Variants in MUC7 observed in about 807,000 individuals in gnomAD.
The protein encoded by MUC7 is mucin 7, secreted, also known as mucin-7.
In MUC7, 2 loss-of-function variants were observed where a neutral mutation model predicts 2.5. The observed-to-expected ratio is 0.81, with a 90% CI of 0.33 to 2.55. The LOEUF is 2.55. Among genes scored for constraint, MUC7 ranks in the 30% most tolerant of loss-of-function variants. The pLI, the probability that MUC7 is intolerant of heterozygous loss-of-function variation, is 0.11. For synonymous variants in MUC7, 133 were observed against 173.4 expected (o/e 0.77, Z 1.83); for missense variants, 408 against 455.6 (o/e 0.90, Z 0.95).
At chr4:70,454,475 T>G (rs1577905117) in intron 1 of MUC7, among the ~76,000 whole-genome samples, 1 of 152,046 alleles carries the variant, frequency 6.6e-6, no homozygotes, top group Non-Finnish European at 1.5e-5. Flanking sequence ...GCATGCTCCC[T>G]CCTCCCTCCT....
At chr4:70,437,983 G>A (rs1039966677) in intron 1 of MUC7, among the ~76,000 whole-genome samples, 1 of 152,130 alleles carries the variant, frequency 6.6e-6, no homozygotes, top group Non-Finnish European at 1.5e-5. Context: ...AGCTAGCTTT[G>A]GATACTATAA....
chr4:70,476,462 C>A (rs918528814), intron 2 of MUC7, among the ~76,000 whole-genome samples: 19 of 152,140 alleles, frequency 1.2e-4, no homozygotes, highest in Non-Finnish European at 2.4e-4. Context: ...CTTCAAGCTG[C>A]CCAAATCTCA....
In MUC7 at chr4:70,481,456, C is replaced by G. The variant is rs757894891; in HGVS notation, c.712C>G (p.Pro238Ala). Residue 238 changes from proline (P) to alanine (A), a missense_variant, in exon 3 of 3, where the codon CCA (proline) becomes GCA (alanine). Pro to Ala is a conservative substitution (Grantham distance 27, BLOSUM62 -1). Transcript: ENST00000304887. ...AGCTCCACCAGAGACCACAGCTGCC[C>G]CACCCACACCTTCTGCAACTACACC... ...SSAPPETTAA[P>A]PTPSATTPAP... is the part of the protein sequence containing the mutation. The G allele has an allele frequency of 6.6e-7, 1 of 1,504,496 alleles. No homozygotes were observed. Among genetic ancestry groups the G allele is most frequent in the South Asian group, 1.2e-5 (1 of 81,380 alleles). The allele number at this position is 1,504,496 out of a possible 1,614,324, so 93.2% of individuals were successfully genotyped here.
At chr4:70,451,974 T>G (rs1475231396) in intron 1 of MUC7, among the ~76,000 whole-genome samples, 1 of 152,236 alleles carries the variant, frequency 6.6e-6, no homozygotes, top group Non-Finnish European at 1.5e-5. Flanking sequence ...TTACAATTGC[T>G]ATATCCTCTT....
intron 1 of MUC7, among the ~76,000 whole-genome samples, chr4:70,445,194 C>A (rs1414982492): frequency 6.6e-6 from 1 of 152,328 alleles, no homozygotes; most frequent in African/African-American, 2.4e-5. Flanking sequence ...ATGACACCAG[C>A]TACCATTGTA....
At position 70,481,249 on chromosome 4, in the gene MUC7, C is replaced by A. The variant is rs41413151; in HGVS notation, c.505C>A (p.Pro169Thr). The change falls in exon 3 of 3, where the codon CCA (proline) becomes ACA (threonine). Residue 169 changes from proline to threonine, a missense_variant. Transcript: ENST00000304887. ...AGCTCCACAAGACACCACAGCTGCC[C>A]CACCCACACCTTCTGCAACTACACC... is the stretch of plus-strand genomic sequence containing the variant. ...SPAPQDTTAA[P>T]PTPSATTPAP... is the part of the protein sequence containing the mutation. 1.4e-3 allele frequency: 2,227 copies of A among 1,610,950 alleles called. 4 individuals are homozygous for A. The African/African-American group carries it at 0.028, about 20-fold the overall frequency.
chr4:70,454,899 T>C (rs201900051), intron 1 of MUC7, among the ~76,000 whole-genome samples: 2 of 152,356 alleles, frequency 1.3e-5, no homozygotes, highest in East Asian at 3.9e-4. Flanking sequence ...TATTCTTTTC[T>C]TATGAGGCCC....
At chr4:70,452,290 T>C (rs1306011505) in intron 1 of MUC7, among the ~76,000 whole-genome samples, 2 of 152,122 alleles carry the variant, frequency 1.3e-5, no homozygotes, top group African/African-American at 2.4e-5. Context: ...ACTCCCGCCA[T>C]TTTGTTGTTT....
rs1461079297 is a variant in MUC7, at chr4:70,466,066, A to C, written c.-92-6149A>C. ...TAAGACTAGCAGAGGACCTCTCTGC[A>C]GAAACCCTGCAAGCCAGAATATAGT... is the stretch of plus-strand genomic sequence containing the variant. On this transcript the variant is annotated intron_variant, in intron 1 of 3. Coordinates refer to the MUC7 transcript ENST00000413702. 2.6e-5 allele frequency among the ~76,000 whole-genome samples: 4 copies of C among 152,266 alleles called. No individual in the cohort carries two copies. In the East Asian group the frequency reaches 7.7e-4, roughly 29 times the overall value.
At chr4:70,437,512 G>A (rs528558076) in intron 1 of MUC7, among the ~76,000 whole-genome samples, 126 of 152,332 alleles carry the variant, frequency 8.3e-4, no homozygotes, top group African/African-American at 2.9e-3. Flanking sequence ...CTCCATGGGC[G>A]TGGGACTCAC....
intron 1 of MUC7, among the ~76,000 whole-genome samples, chr4:70,461,942 T>G (rs72655153): frequency 1.6e-4 from 25 of 152,332 alleles, no homozygotes; most frequent in Admixed American, 7.8e-4. Flanking sequence ...CCGACCATAG[T>G]GGCCCATGCC....
At chr4:70,478,781 T>C (rs1244308140) in intron 2 of MUC7, among the ~76,000 whole-genome samples, 1 of 152,180 alleles carries the variant, frequency 6.6e-6, no homozygotes, top group Non-Finnish European at 1.5e-5. Context: ...GTTTGAACAA[T>C]ATGACCTGTT....
chr4:70,445,324 G>A (rs1202759220), intron 1 of MUC7, among the ~76,000 whole-genome samples: 12 of 152,024 alleles, frequency 7.9e-5, no homozygotes, highest in Non-Finnish European at 1.8e-4. Flanking sequence ...GCTCCAGCTG[G>A]TATATTAAAC....
intron 1 of MUC7, among the ~76,000 whole-genome samples, chr4:70,439,035 A>G: frequency 6.6e-6 from 1 of 152,242 alleles, no homozygotes; most frequent in East Asian, 1.9e-4. Context: ...GAGGCAAATC[A>G]CAAGAAACAA....
intron 1 of MUC7, among the ~76,000 whole-genome samples, chr4:70,449,553 A>T (rs1480246970): frequency 2.6e-5 from 4 of 152,178 alleles, no homozygotes; most frequent in African/African-American, 9.6e-5. Context: ...CAGCCAAACC[A>T]TATCATCTTC....
chr4:70,451,273 G>A lies in MUC7; in HGVS notation c.-93+20586G>A, dbSNP rs892708937. On this transcript the variant is annotated intron_variant, in intron 1 of 3. Transcript: ENST00000413702. Reference sequence around the variant, plus strand: ...CTCACAATTGCTGTGTTCTCCCTCCGTTGGTGCCCAGAGATGCTCTCCACA... The same window carrying A: ...CTCACAATTGCTGTGTTCTCCCTCCATTGGTGCCCAGAGATGCTCTCCACA... 6.6e-5 allele frequency among the ~76,000 whole-genome samples: 10 copies of A among 152,156 alleles called. 1 individual carries two copies. The highest frequency in any genetic ancestry group is 4.1e-4 in the South Asian group (2 of 4,826).
At chr4:70,463,711 A>G (rs1404459694) in intron 1 of MUC7, among the ~76,000 whole-genome samples, 1 of 152,314 alleles carries the variant, frequency 6.6e-6, no homozygotes, top group African/African-American at 2.4e-5. Context: ...GGCGTATACC[A>G]TCATCAGTTT....
intron 1 of MUC7, among the ~76,000 whole-genome samples, chr4:70,452,582 T>G (rs1734306186): frequency 6.6e-6 from 1 of 152,184 alleles, no homozygotes; most frequent in African/African-American, 2.4e-5. Context: ...CCTCTATGCT[T>G]TAATTTCGTC....
intron 1 of MUC7, among the ~76,000 whole-genome samples, chr4:70,444,042 C>A (rs2077173077): frequency 6.6e-6 from 1 of 152,174 alleles, no homozygotes; most frequent in African/African-American, 2.4e-5. Flanking sequence ...ATTTCCCATC[C>A]ACAAGCCTTA....
Sources: gnomAD v4.1 joint callset for allele counts (sites outside exome capture counted in the v4.1 genomes callset) on GRCh38, gnomAD v4.1.1 for gene constraint, MANE v1.5 for transcripts, NCBI Gene and HGNC (gene_info 2026-07-23, HGNC 2026-07-21) for gene names.